The following SNX27 variants were observed in gnomAD, a reference collection of about 807,000 sequenced individuals.
SNX27 encodes sorting nexin-27.
SNX27 carries 22 observed loss-of-function variants against 71.6 expected under a neutral mutation model. The ratio of observed to expected loss-of-function variants is 0.31; its 90% confidence interval spans 0.22 to 0.44. The LOEUF is 0.44. SNX27 is among the 20% of genes least tolerant of loss of function. SNX27 has a pLI of 1.00. For synonymous variants in SNX27, 269 were observed against 277.2 expected (o/e 0.97, Z 0.29); for missense variants, 531 against 698.6 (o/e 0.76, Z 2.70).
At chr1:151,654,669 T>C (rs1423518083) in intron 2 of SNX27, among the ~76,000 whole-genome samples, 1 of 152,148 alleles carries the variant, frequency 6.6e-6, no homozygotes, top group Non-Finnish European at 1.5e-5. Context: ...TTCTAGAGCC[T>C]GAGAAGTCTA....
chr1:151,651,262 G>A (rs1368418596), intron 2 of SNX27, among the ~76,000 whole-genome samples: 5 of 150,942 alleles, frequency 3.3e-5, no homozygotes, highest in African/African-American at 7.3e-5. Context: ...CAGACGGGGC[G>A]GCTGGCCTGG....
intron 1 of SNX27, among the ~76,000 whole-genome samples, chr1:151,618,284 G>C (rs1475469863): frequency 6.6e-6 from 1 of 152,166 alleles, no homozygotes; most frequent in East Asian, 1.9e-4. Flanking sequence ...TTGGATGAGA[G>C]ACAGGGGACT....
At chr1:151,632,180 G>A (rs1298470395) in intron 1 of SNX27, among the ~76,000 whole-genome samples, 1 of 149,188 alleles carries the variant, frequency 6.7e-6, no homozygotes, top group African/African-American at 2.5e-5. Context: ...TTTTTGAGAT[G>A]GAGTTTTGCT....
At chr1:151,692,783 TC>T in intron 9 of SNX27, 127 bp from the exon 10 acceptor site, 1 of 1,418,050 alleles carries the variant, frequency 7.1e-7, no homozygotes, top group Non-Finnish European at 9.7e-7. Flanking sequence ...TCTATCACAG[TC>T]CTTTCTCTGA....
intron 1 of SNX27, among the ~76,000 whole-genome samples, chr1:151,634,043 A>G (rs988622758): frequency 2.0e-5 from 3 of 151,842 alleles, no homozygotes; most frequent in African/African-American, 4.8e-5. Flanking sequence ...TATGTTTAAC[A>G]TTATGAGAAA....
chr1:151,620,838 C>T (rs1667639086), intron 1 of SNX27, among the ~76,000 whole-genome samples: 1 of 151,920 alleles, frequency 6.6e-6, no homozygotes. Context: ...TACAGGTGTG[C>T]ACCACCATGC....
chr1:151,654,635 A>G (rs150407922), intron 2 of SNX27, among the ~76,000 whole-genome samples: 14 of 152,240 alleles, frequency 9.2e-5, no homozygotes, highest in East Asian at 1.9e-4. Flanking sequence ...GGTCATTTAT[A>G]AAGAAAAGTG....
At chr1:151,688,319 T>C (rs904359259) in intron 8 of SNX27, among the ~76,000 whole-genome samples, 2 of 152,112 alleles carry the variant, frequency 1.3e-5, no homozygotes, top group Non-Finnish European at 2.9e-5. Context: ...CTTTTAAATA[T>C]CCTTATGTAA....
At chr1:151,625,944 T>TG (rs1426222848) in intron 1 of SNX27, among the ~76,000 whole-genome samples, 1 of 150,988 alleles carries the variant, frequency 6.6e-6, no homozygotes, top group Non-Finnish European at 1.5e-5. Flanking sequence ...AGTGAGACTG[T>TG]GTCACCAAAA....
intron 11 of SNX27, 94 bp downstream of exon 11, chr1:151,693,577 A>T (rs1010334133): frequency 1.2e-6 from 2 of 1,613,430 alleles, no homozygotes; most frequent in Admixed American, 1.7e-5. Context: ...CCTCACCTCC[A>T]TCTCTGTCTT....
chr1:151,613,694 A>G (rs1186338741), intron 1 of SNX27, among the ~76,000 whole-genome samples: 2 of 151,542 alleles, frequency 1.3e-5, no homozygotes, highest in Non-Finnish European at 2.9e-5. Flanking sequence ...TTGTCTTGCA[A>G]TCTCTGTGCA....
chr1:151,660,088 A>G (rs1669893738), intron 3 of SNX27: 1 of 152,180 alleles, frequency 6.6e-6, no homozygotes, highest in Non-Finnish European at 1.5e-5. Flanking sequence ...GAAATGAGAA[A>G]GGGTACAATT....
At chr1:151,684,582 A>G (rs1671112308) in intron 8 of SNX27, among the ~76,000 whole-genome samples, 1 of 152,238 alleles carries the variant, frequency 6.6e-6, no homozygotes, top group Non-Finnish European at 1.5e-5. Context: ...GCAGATTCAC[A>G]TGCAGTTGAA....
chr1:151,640,577 G>A (rs1410549903), intron 2 of SNX27, among the ~76,000 whole-genome samples: 2 of 151,918 alleles, frequency 1.3e-5, no homozygotes, highest in Non-Finnish European at 2.9e-5. Flanking sequence ...GTTTCACCAT[G>A]TTGGCCAGGC....
In SNX27 at chr1:151,672,169, C is replaced by T. The variant is rs551672031; in HGVS notation, c.1149+3534C>T. Among the ~76,000 whole-genome samples the T allele has an allele frequency of 3.3e-5, 5 of 152,084 alleles. No individual in the cohort carries two copies. The South Asian group carries it at 1.0e-3, about 32-fold the overall frequency. On this transcript the variant is annotated intron_variant, in intron 7 of 11. Transcript: ENST00000458013. The stretch of plus-strand genomic sequence containing the variant: ...TATAGCTTTTATTATGTTGAGGTTC[C>T]TTCTATACCCAGTTTTTTGAGGGGT...
chr1:151,646,398 A>G (rs1178748548), intron 2 of SNX27, among the ~76,000 whole-genome samples: 1 of 151,848 alleles, frequency 6.6e-6, no homozygotes, highest in Non-Finnish European at 1.5e-5. Context: ...GTTCTTTGCT[A>G]TCTATGTTGT....
intron 1 of SNX27, among the ~76,000 whole-genome samples, chr1:151,616,087 C>T (rs992865711): frequency 6.6e-6 from 1 of 152,172 alleles, no homozygotes; most frequent in Admixed American, 6.5e-5. Flanking sequence ...CTGGTTTCCA[C>T]CTTGTAATTT....
At chr1:151,672,272 TTACTC>T (rs1324571253) in intron 7 of SNX27, among the ~76,000 whole-genome samples, 1 of 152,200 alleles carries the variant, frequency 6.6e-6, no homozygotes, top group Non-Finnish European at 1.5e-5. Flanking sequence ...TTTTTGTCCT[TTACTC>T]TGTTGATATG....
Position 151,612,785 on chromosome 1 carries a change from G to A in SNX27, c.311+273G>A, listed in dbSNP as rs1033626933. Among the ~76,000 whole-genome samples, 18 of 152,084 alleles carry A rather than the reference G, an allele frequency of 1.2e-4. No individual in the cohort carries two copies. The highest frequency in any genetic ancestry group is 1.0e-3 in the Admixed American group (16 of 15,278). On this transcript the variant is annotated intron_variant, in intron 1 of 11. Coordinates refer to ENST00000458013, the MANE Select transcript of SNX27 (RefSeq NM_001330723.2). The surrounding 1 kb of genome is among the most constrained non-coding windows in gnomAD (Gnocchi z 5.2). ...CTCCTCCCTGTGCCCCGATTACTCT[G>A]GGCTCTTCTCCGCCCCTTTGCCTTC...
Sources: allele counts gnomAD v4.1 joint callset (sites outside exome capture counted in the v4.1 genomes callset), GRCh38; gene constraint gnomAD v4.1.1; non-coding constraint Gnocchi (gnomAD v3.1); transcripts MANE v1.5; gene names NCBI Gene and HGNC (gene_info 2026-07-23, HGNC 2026-07-21).